Variants in PCDHA11 observed in about 807,000 individuals in gnomAD.
The protein encoded by PCDHA11 is protocadherin alpha-11.
In PCDHA11, 61 loss-of-function variants were observed where a neutral mutation model predicts 70.3. The ratio of observed to expected loss-of-function variants is 0.87; its 90% CI spans 0.71 to 1.07. The LOEUF is 1.07. Among genes scored for constraint, PCDHA11 ranks in the 50% least tolerant of loss-of-function variants. The probability of loss-of-function intolerance (pLI) is 0.00; values close to 1 mark genes in which losing one functional copy is unlikely to be tolerated. For synonymous variants in PCDHA11, 633 were observed against 555.1 expected (o/e 1.14, Z -1.97); for missense variants, 1,324 against 1,237.5 (o/e 1.07, Z -1.05).
At chr5:140,910,408 G>A (rs1165160124) in intron 1 of PCDHA11, among the ~76,000 whole-genome samples, 2 of 152,106 alleles carry the variant, frequency 1.3e-5, no homozygotes, top group African/African-American at 2.4e-5. Flanking sequence ...CTGCCACCTC[G>A]AGATCCAATT....
chr5:140,939,851 A>G (rs1313215259), intron 1 of PCDHA11, among the ~76,000 whole-genome samples: 2 of 152,206 alleles, frequency 1.3e-5, no homozygotes, highest in African/African-American at 4.8e-5. Context: ...TGTGTTCTGT[A>G]TATGTCCATT....
intron 3 of PCDHA11, among the ~76,000 whole-genome samples, chr5:141,001,540 G>A (rs1318714170): frequency 6.6e-6 from 1 of 152,174 alleles, no homozygotes; most frequent in African/African-American, 2.4e-5. Flanking sequence ...TCCTGGACAG[G>A]ATTTGGGTTT....
intron 1 of PCDHA11, among the ~76,000 whole-genome samples, chr5:140,896,143 T>C (rs932166066): frequency 2.6e-5 from 4 of 152,198 alleles, no homozygotes; most frequent in Non-Finnish European, 5.9e-5. Context: ...CAGTGCACCA[T>C]TGATGGGCAT....
At chr5:140,896,346 G>T (rs1466880160) in intron 1 of PCDHA11, among the ~76,000 whole-genome samples, 18 of 151,992 alleles carry the variant, frequency 1.2e-4, no homozygotes, top group Non-Finnish European at 2.5e-4. Flanking sequence ...TTATATTCCC[G>T]CCAGCAGTGT....
At chr5:140,996,655 A>G (rs974466773) in intron 3 of PCDHA11, among the ~76,000 whole-genome samples, 5 of 152,226 alleles carry the variant, frequency 3.3e-5, no homozygotes, top group African/African-American at 1.2e-4. Context: ...TCCTGGGTGC[A>G]GGCTAGTTTT....
intron 1 of PCDHA11, chr5:140,966,857 C>A: frequency 6.3e-7 from 1 of 1,575,742 alleles, no homozygotes; most frequent in Non-Finnish European, 8.6e-7. Flanking sequence ...TCTCCTGCTG[C>A]TGTTGCTGCT....
chr5:140,964,701 C>T (rs1228970267), intron 1 of PCDHA11, among the ~76,000 whole-genome samples: 2 of 151,776 alleles, frequency 1.3e-5, no homozygotes, highest in Non-Finnish European at 2.9e-5. Context: ...GAGATTAAGG[C>T]CTCCGAGATC....
At chr5:140,967,171 G>A (rs181864889) in intron 1 of PCDHA11, 2 of 1,611,944 alleles carry the variant, frequency 1.2e-6, no homozygotes, top group Non-Finnish European at 8.5e-7. Flanking sequence ...GCGCCGTTGA[G>A]GTGGAAATAT....
chr5:140,901,307 T>A (rs544600785), intron 1 of PCDHA11, among the ~76,000 whole-genome samples: 1 of 152,264 alleles, frequency 6.6e-6, no homozygotes, highest in East Asian at 1.9e-4. Context: ...TTCCGGAGAG[T>A]TTCCCCAATG....
intron 3 of PCDHA11, among the ~76,000 whole-genome samples, chr5:140,990,733 A>G (rs2097410113): frequency 6.6e-6 from 1 of 152,198 alleles, no homozygotes; most frequent in Admixed American, 6.5e-5. Flanking sequence ...GTATATCAAC[A>G]GCCCTAGGGT....
At chr5:140,908,422 C>T (rs1403455941) in intron 1 of PCDHA11, among the ~76,000 whole-genome samples, 1 of 152,176 alleles carries the variant, frequency 6.6e-6, no homozygotes, top group Non-Finnish European at 1.5e-5. Context: ...TGATGGAATG[C>T]TGCTGTGCGC....
intron 1 of PCDHA11, chr5:140,929,903 C>T (rs11747154): frequency 0.12 from 17,815 of 152,352 alleles, 1,161 homozygotes; most frequent in Middle Eastern, 0.19. Context: ...ATCTTTAATA[C>T]GATATACCAT....
At chr5:141,002,610 C>T (rs1191320958) in intron 3 of PCDHA11, among the ~76,000 whole-genome samples, 1 of 152,200 alleles carries the variant, frequency 6.6e-6, no homozygotes, top group Non-Finnish European at 1.5e-5. Context: ...ATAAAACAGA[C>T]ACATAACACA....
In PCDHA11 at chr5:140,882,320, C is replaced by T. The variant is rs374687530; in HGVS notation, c.2391+10826C>T. The T allele has an allele frequency of 2.8e-5, 45 of 1,614,182 alleles. No homozygotes were observed. The African/African-American group carries it at 5.6e-4, about 20-fold the overall frequency. On this transcript the variant is annotated intron_variant, in intron 1 of 3. Coordinates refer to ENST00000398640, the MANE Select transcript of PCDHA11 (RefSeq NM_018902.5). ...AAGACCGCGGCAACTACTGCTCTGG[C>T]TTCTGATCCTCGCAGCCTGGGAGAC... is the stretch of plus-strand genomic sequence containing the variant.
intron 1 of PCDHA11, among the ~76,000 whole-genome samples, chr5:140,923,505 G>C (rs1281972725): frequency 6.6e-6 from 1 of 152,118 alleles, no homozygotes; most frequent in East Asian, 1.9e-4. Context: ...CTCCAGCCTG[G>C]ATGATGAAGT....
intron 1 of PCDHA11, among the ~76,000 whole-genome samples, chr5:140,898,789 C>T (rs1424905656): frequency 6.6e-6 from 1 of 152,162 alleles, no homozygotes; most frequent in Non-Finnish European, 1.5e-5. Context: ...GCAGTATGGC[C>T]ATTTTCACGA....
intron 1 of PCDHA11, among the ~76,000 whole-genome samples, chr5:140,941,255 C>CTTTCTTTCTT (rs782490896): frequency 0.012 from 539 of 44,464 alleles, 5 homozygotes; most frequent in Middle Eastern, 0.036. Context: ...TTCTTTCTTT[C>CTTTCTTTCTT]TCTTTCTTTC....
intron 1 of PCDHA11, among the ~76,000 whole-genome samples, chr5:140,886,732 A>C (rs1457707116): frequency 3.9e-5 from 6 of 151,952 alleles, no homozygotes; most frequent in Non-Finnish European, 8.8e-5. Flanking sequence ...AGGCTGAAGC[A>C]AGAGAATTGC....
At chr5:140,877,909 C>G in intron 1 of PCDHA11, 4 of 1,432,580 alleles carry the variant, frequency 2.8e-6, no homozygotes, top group Non-Finnish European at 3.7e-6. Context: ...TAACTACATT[C>G]TCTCATTTTT....
Sources: allele counts gnomAD v4.1 joint callset (sites outside exome capture counted in the v4.1 genomes callset), GRCh38; gene constraint gnomAD v4.1.1; transcripts MANE v1.5; gene names NCBI Gene and HGNC (gene_info 2026-07-23, HGNC 2026-07-21).